ZBTB20: variants seen among roughly 807,000 people sequenced by gnomAD.
ZBTB20 encodes the protein zinc finger and BTB domain-containing protein 20.
In ZBTB20, 9 loss-of-function variants were observed where a neutral mutation model predicts 56.9. That is an observed-to-expected ratio of 0.16 (90% CI 0.10 to 0.28). The LOEUF (loss-of-function observed/expected upper bound fraction) is 0.28, where lower values mean the gene tolerates loss of function less well. Among genes scored for constraint, ZBTB20 ranks in the 10% least tolerant of loss-of-function variants. The pLI, the probability that ZBTB20 is intolerant of heterozygous loss-of-function variation, is 1.00. For synonymous variants in ZBTB20, 417 were observed against 420.7 expected (o/e 0.99, Z 0.11); for missense variants, 655 against 1,003.0 (o/e 0.65, Z 4.69).
chr3:114,538,405 T>C (rs774681273), intron 6 of ZBTB20, among the ~76,000 whole-genome samples: 18 of 152,150 alleles, frequency 1.2e-4, no homozygotes, highest in Non-Finnish European at 2.6e-4. Flanking sequence ...CAGTGTGATA[T>C]ATTTATCATC....
At chr3:114,364,271 G>A (rs1560140324) in intron 10 of ZBTB20, among the ~76,000 whole-genome samples, 1 of 152,144 alleles carries the variant, frequency 6.6e-6, no homozygotes, top group African/African-American at 2.4e-5. Flanking sequence ...AGCCAACATG[G>A]TGAAACCTCG....
chr3:114,630,101 C>G (rs2058861572), intron 6 of ZBTB20, among the ~76,000 whole-genome samples: 1 of 152,122 alleles, frequency 6.6e-6, no homozygotes, highest in Admixed American at 6.5e-5. Context: ...GTTCATGCCA[C>G]TGCATTCAAC....
chr3:114,893,352 A>G (rs1467949064), intron 4 of ZBTB20, among the ~76,000 whole-genome samples: 1 of 152,238 alleles, frequency 6.6e-6, no homozygotes, highest in South Asian at 2.1e-4. Flanking sequence ...AAAATTTTAA[A>G]CCAGGCTAGA....
At chr3:114,412,490 C>T (rs2088071494) in intron 7 of ZBTB20, among the ~76,000 whole-genome samples, 1 of 152,140 alleles carries the variant, frequency 6.6e-6, no homozygotes, top group Non-Finnish European at 1.5e-5. Flanking sequence ...ATCGCTCACT[C>T]AAACCTGAAG....
chr3:114,730,514 T>C (rs944977200), intron 5 of ZBTB20, among the ~76,000 whole-genome samples: 14 of 152,128 alleles, frequency 9.2e-5, no homozygotes, highest in African/African-American at 3.4e-4. Flanking sequence ...GAAGAAGTAA[T>C]TAAGGTTTAA....
At chr3:114,752,796 T>C (rs553564289) in intron 5 of ZBTB20, among the ~76,000 whole-genome samples, 2 of 152,262 alleles carry the variant, frequency 1.3e-5, no homozygotes, top group Admixed American at 6.5e-5. Flanking sequence ...CCACATACTA[T>C]TGTTAATTAT....
At chr3:114,714,124 G>A (rs1434241747) in intron 5 of ZBTB20, 1 of 152,550 alleles carries the variant, frequency 6.6e-6, no homozygotes, top group African/African-American at 2.4e-5. Flanking sequence ...GGAAAGGAAA[G>A]CTATCATCCT....
At chr3:114,480,438 T>G (rs1577000935) in intron 7 of ZBTB20, among the ~76,000 whole-genome samples, 1 of 152,202 alleles carries the variant, frequency 6.6e-6, no homozygotes, top group East Asian at 1.9e-4. Flanking sequence ...GGAGGTCACA[T>G]GCATTTAAAA....
chr3:115,041,646 C>T (rs1372941982), intron 2 of ZBTB20, among the ~76,000 whole-genome samples: 1 of 152,126 alleles, frequency 6.6e-6, no homozygotes, highest in African/African-American at 2.4e-5. Flanking sequence ...AAGGAATTTA[C>T]ATTGGAGAAG....
rs373944820 is a variant in ZBTB20, at chr3:114,867,538, C to T, written c.-417+32766G>A. 9.9e-5 allele frequency among the ~76,000 whole-genome samples: 15 copies of T among 152,266 alleles called. No homozygotes were observed. In the Middle Eastern group the frequency reaches 0.014, roughly 138 times the overall value. On this transcript the variant is annotated intron_variant, in intron 4 of 11. Coordinates refer to ENST00000675478, the MANE Select transcript of ZBTB20 (RefSeq NM_001348800.3). ...GCAACCTCCACCTCCCAGATTCCAG[C>T]GATTCTCATGACTCAGCCTCCTGAG... is the stretch of plus-strand genomic sequence containing the variant.
chr3:115,049,464 T>G (rs1370296593), intron 2 of ZBTB20, among the ~76,000 whole-genome samples: 1 of 152,176 alleles, frequency 6.6e-6, no homozygotes, highest in Non-Finnish European at 1.5e-5. Flanking sequence ...TAATGAAATA[T>G]TCTTACAATA....
chr3:114,472,879 C>T (rs1483000097), intron 7 of ZBTB20, among the ~76,000 whole-genome samples: 1 of 152,066 alleles, frequency 6.6e-6, no homozygotes, highest in South Asian at 2.1e-4. Flanking sequence ...ATGATGGAAA[C>T]CAAACCAAAG....
At chr3:114,773,679 T>C (rs2108749759) in intron 5 of ZBTB20, among the ~76,000 whole-genome samples, 1 of 152,180 alleles carries the variant, frequency 6.6e-6, no homozygotes, top group Non-Finnish European at 1.5e-5. Context: ...AGGAAAAATC[T>C]GAAAAGAGCT....
chr3:114,927,451 A>G (rs577533938), intron 3 of ZBTB20, among the ~76,000 whole-genome samples: 147 of 152,312 alleles, frequency 9.7e-4, no homozygotes, highest in African/African-American at 3.5e-3. Context: ...TAAACTTCCT[A>G]AATTGACTGA....
In ZBTB20 at chr3:114,350,530, G is replaced by A. The variant is rs139463539; in HGVS notation, c.1548C>T (p.Pro516=). The part of the protein sequence containing the change: ...TYLPALFTTQ[P]AGSGPKPFLF... ...GGAAAGGCTTGGGGCCACTGCCCGCGGGCTGGGTAGTGAAGAGGGCTGGCA... is the reference window on the plus strand; with the variant it reads ...GGAAAGGCTTGGGGCCACTGCCCGCAGGCTGGGTAGTGAAGAGGGCTGGCA... Residue 516 remains proline (P), a synonymous_variant, in exon 11 of 12, where the codon CCC becomes CCT. Coordinates refer to ENST00000675478, the MANE Select transcript of ZBTB20 (RefSeq NM_001348800.3). The A allele has an allele frequency of 9.3e-6, 15 of 1,614,012 alleles. No homozygotes were observed. Among genetic ancestry groups the A allele is most frequent in the East Asian group, 8.9e-5 (4 of 44,880 alleles).
chr3:114,539,529 T>C (rs1047459551), intron 6 of ZBTB20, among the ~76,000 whole-genome samples: 1 of 152,116 alleles, frequency 6.6e-6, no homozygotes, highest in Non-Finnish European at 1.5e-5. Context: ...GAACAGAGTA[T>C]TACTTTGGAT....
At chr3:114,718,506 T>C (rs1020121158) in intron 5 of ZBTB20, among the ~76,000 whole-genome samples, 1 of 152,038 alleles carries the variant, frequency 6.6e-6, no homozygotes, top group African/African-American at 2.4e-5. Context: ...GGGATTGCTT[T>C]CCTCACATCT....
At chr3:114,944,238 C>T (rs957187212) in intron 3 of ZBTB20, among the ~76,000 whole-genome samples, 2 of 145,480 alleles carry the variant, frequency 1.4e-5, no homozygotes, top group Non-Finnish European at 3.0e-5. Flanking sequence ...AAATGCTCAA[C>T]GTTACTAATC....
intron 3 of ZBTB20, among the ~76,000 whole-genome samples, chr3:114,945,678 A>C (rs544669296): frequency 1.4e-5 from 2 of 145,886 alleles, no homozygotes; most frequent in South Asian, 2.1e-4. Context: ...AGATGATAGA[A>C]TTAAATCAAC....
Sources: gnomAD v4.1 joint callset for allele counts (sites outside exome capture counted in the v4.1 genomes callset) on GRCh38, gnomAD v4.1.1 for gene constraint, MANE v1.5 for transcripts, NCBI Gene and HGNC (gene_info 2026-07-23, HGNC 2026-07-21) for gene names.